DCP1A: variants seen among roughly 807,000 people sequenced by gnomAD.
The protein encoded by DCP1A is decapping mRNA 1A.
Under a neutral mutation model 58.0 loss-of-function variants are expected in DCP1A, and 20 were observed. The observed-to-expected ratio is 0.34, with a 90% CI of 0.24 to 0.50. DCP1A has a LOEUF of 0.50. DCP1A is among the 20% of genes least tolerant of loss of function. DCP1A has a pLI of 0.98. For missense variants in DCP1A, 613 were observed against 712.2 expected (o/e 0.86, Z 1.59); for synonymous variants, 285 against 275.1 (o/e 1.04, Z -0.36).
rs1457855828 is a variant in DCP1A at position 53,292,588 on chromosome 3, G to A, written c.864C>T (p.Ile288=). 3 of 1,613,770 alleles carry A rather than the reference G, an allele frequency of 1.9e-6. No homozygotes were observed. Among genetic ancestry groups the A allele is most frequent in the South Asian group, 1.1e-5 (1 of 91,064 alleles). The change falls in exon 7 of 10, where the codon ATC becomes ATT. Residue 288 remains isoleucine, a synonymous_variant. Transcript: ENST00000610213. ...SAAHHSVQPE[I]TTPVLITPAS... ...CTGGAGTGATTAGCACCGGGGTGGT[G>A]ATTTCAGGCTGGACTGAATGGTGGG...
intron 5 of DCP1A, among the ~76,000 whole-genome samples, chr3:53,310,478 G>A (rs1172082537): frequency 6.6e-6 from 1 of 152,166 alleles, no homozygotes; most frequent in Non-Finnish European, 1.5e-5. Context: ...GTGGTACCTT[G>A]ATACAGTTAT....
intron 4 of DCP1A, among the ~76,000 whole-genome samples, chr3:53,316,379 T>G (rs959739177): frequency 5.3e-5 from 8 of 152,112 alleles, no homozygotes; most frequent in Non-Finnish European, 8.8e-5. Flanking sequence ...CAGCTATAAA[T>G]AGGCCAGACA....
chr3:53,318,856 C>T (rs782519672), intron 4 of DCP1A, among the ~76,000 whole-genome samples: 1 of 152,180 alleles, frequency 6.6e-6, no homozygotes, highest in Non-Finnish European at 1.5e-5. Context: ...TATGAGTTCT[C>T]TATCAGGCTA....
intron 6 of DCP1A, among the ~76,000 whole-genome samples, chr3:53,299,055 G>A (rs782387916): frequency 1.3e-5 from 2 of 152,186 alleles, no homozygotes; most frequent in Non-Finnish European, 2.9e-5. Context: ...ACTCTATGAT[G>A]TTCGGAGAAT....
chr3:53,327,766 G>A (rs1553690778), intron 3 of DCP1A, among the ~76,000 whole-genome samples: 1 of 150,930 alleles, frequency 6.6e-6, no homozygotes, highest in African/African-American at 2.4e-5. Context: ...ACTCCAGTCT[G>A]GGCAACAGAG....
chr3:53,314,970 C>G (rs886807567), intron 4 of DCP1A, among the ~76,000 whole-genome samples: 2 of 152,036 alleles, frequency 1.3e-5, no homozygotes. Flanking sequence ...CTGCGCCCAG[C>G]CAGAACAGGT....
At chr3:53,317,744 T>C (rs1201191408) in intron 4 of DCP1A, among the ~76,000 whole-genome samples, 1 of 152,230 alleles carries the variant, frequency 6.6e-6, no homozygotes, top group Non-Finnish European at 1.5e-5. Flanking sequence ...AGAGAAAAAG[T>C]GTTCTAAAAA....
intron 2 of DCP1A, 51 bp downstream of exon 2, chr3:53,344,851 T>C (rs1575626896): frequency 6.6e-6 from 9 of 1,357,238 alleles, no homozygotes; most frequent in Middle Eastern, 1.8e-4. Context: ...CCGTTTCACA[T>C]TGTTCACCAC....
At chr3:53,308,025 A>C (rs1218655323) in intron 5 of DCP1A, among the ~76,000 whole-genome samples, 1 of 152,222 alleles carries the variant, frequency 6.6e-6, no homozygotes, top group Non-Finnish European at 1.5e-5. Flanking sequence ...TTTGGAACAA[A>C]ACAGGTTACC....
intron 6 of DCP1A, among the ~76,000 whole-genome samples, chr3:53,302,936 T>TTTAAA (rs1183630788): frequency 2.9e-4 from 44 of 150,610 alleles, no homozygotes; most frequent in African/African-American, 1.0e-3. Flanking sequence ...TTATTTTATT[T>TTTAAA]TTAAATTAAA....
At chr3:53,290,743 T>G (rs543625504) in intron 8 of DCP1A, 48 bp downstream of exon 8, 1 of 1,090,418 alleles carries the variant, frequency 9.2e-7, no homozygotes, top group South Asian at 1.4e-5. Context: ...GGCACCCGAC[T>G]AGTCTTAAAA....
At chr3:53,315,741 G>GTT (rs1553689168) in intron 4 of DCP1A, among the ~76,000 whole-genome samples, 34 of 75,656 alleles carry the variant, frequency 4.5e-4, no homozygotes, top group Non-Finnish European at 4.1e-4. Flanking sequence ...AAATCAGTTT[G>GTT]TTGTTTTTTT....
At chr3:53,295,375 C>T (rs1559682749) in intron 6 of DCP1A, among the ~76,000 whole-genome samples, 1 of 152,106 alleles carries the variant, frequency 6.6e-6, no homozygotes, top group African/African-American at 2.4e-5. Flanking sequence ...TAGACTCTCA[C>T]TTCAAATATA....
At chr3:53,306,615 C>T (rs1707478927) in intron 5 of DCP1A, among the ~76,000 whole-genome samples, 1 of 151,438 alleles carries the variant, frequency 6.6e-6, no homozygotes, top group African/African-American at 2.4e-5. Flanking sequence ...ACTAAAAGTA[C>T]AAAAAATTAG....
intron 3 of DCP1A, 67 bp downstream of exon 3, chr3:53,342,077 T>C (rs761023315): frequency 9.6e-6 from 13 of 1,352,038 alleles, no homozygotes; most frequent in African/African-American, 1.5e-5. Flanking sequence ...TCCTAAATAA[T>C]GGATTGATAG....
Position 53,287,500 on chromosome 3 carries a change from T to C in DCP1A, c.*80A>G. The C allele has an allele frequency of 2.2e-6, 2 of 920,314 alleles. No individual in the cohort carries two copies. The highest frequency in any genetic ancestry group is 1.5e-5 in the South Asian group (1 of 68,840). 57.0% of individuals were successfully genotyped at this position (920,314 alleles called of 1,614,324 possible). The stretch of plus-strand genomic sequence containing the variant: ...TCAATTTCAGGATTCTCAAACTCAA[T>C]GTTCTGCTCAGAAGTTTCCATGATG... On this transcript the variant is annotated 3_prime_UTR_variant, in exon 10 of 10. Coordinates refer to ENST00000610213, the MANE Select transcript of DCP1A (RefSeq NM_018403.7).
chr3:53,309,760 C>A (rs62256963), intron 5 of DCP1A, among the ~76,000 whole-genome samples: 9,272 of 152,226 alleles, frequency 0.061, 405 homozygotes, highest in Non-Finnish European at 0.087. Context: ...GAGACCCTGT[C>A]TGAAAAAAGA....
At chr3:53,338,696 C>T (rs920441961) in intron 3 of DCP1A, among the ~76,000 whole-genome samples, 3 of 151,622 alleles carry the variant, frequency 2.0e-5, no homozygotes, top group Admixed American at 6.6e-5. Flanking sequence ...CCCGTCTCTA[C>T]TAAAAATAGA....
At chr3:53,322,927 C>T (rs1575611723) in intron 3 of DCP1A, among the ~76,000 whole-genome samples, 2 of 151,992 alleles carry the variant, frequency 1.3e-5, no homozygotes, top group East Asian at 1.9e-4. Flanking sequence ...TTCTCCTCAG[C>T]CGCCCGAGTA....
Sources: allele counts gnomAD v4.1 joint callset (sites outside exome capture counted in the v4.1 genomes callset), GRCh38; gene constraint gnomAD v4.1.1; transcripts MANE v1.5; gene names NCBI Gene and HGNC (gene_info 2026-07-23, HGNC 2026-07-21).